SETD2: variants seen among roughly 807,000 people sequenced by gnomAD.
The protein encoded by SETD2 is histone-lysine N-methyltransferase SETD2.
SETD2 carries 31 observed loss-of-function variants against 242.1 expected under a neutral mutation model. The observed-to-expected ratio is 0.13, with a 90% confidence interval of 0.10 to 0.17. SETD2 has a LOEUF of 0.17. Ranked by LOEUF, SETD2 falls within the 10% of genes least tolerant of loss-of-function variation. SETD2 has a pLI of 1.00. For synonymous variants in SETD2, 1,006 were observed against 1,066.5 expected, an observed-to-expected ratio of 0.94 and a Z score of 1.11; for missense variants, 2,481 against 3,046.3, an observed-to-expected ratio of 0.81 and a Z score of 4.37.
Position 47,030,466 on chromosome 3 carries a change from A to G in SETD2, c.7350+7200T>C, listed in dbSNP as rs927685604. ...AGACAGTATCAAGCGGTTTAATAACATGTATGTAATTGGAGTCCCAGGAAA... is the reference window on the plus strand; with the variant it reads ...AGACAGTATCAAGCGGTTTAATAACGTGTATGTAATTGGAGTCCCAGGAAA... On this transcript the variant is annotated intron_variant, in intron 18 of 20. Coordinates refer to ENST00000409792, the MANE Select transcript of SETD2 (RefSeq NM_014159.7). 8.5e-5 allele frequency among the ~76,000 whole-genome samples: 13 copies of G among 152,262 alleles called. No individual in the cohort carries two copies. The South Asian group carries it at 1.2e-3, about 15-fold the overall frequency.
At chr3:47,040,457 T>C (rs1050249490) in intron 17 of SETD2, among the ~76,000 whole-genome samples, 8 of 151,044 alleles carry the variant, frequency 5.3e-5, no homozygotes, top group Admixed American at 4.0e-4. Context: ...AAGATACAAA[T>C]GACCAACAAT....
At chr3:47,107,728 G>A (rs1559727801) in intron 5 of SETD2, among the ~76,000 whole-genome samples, 8 of 18,396 alleles carry the variant, frequency 4.3e-4, no homozygotes, top group African/African-American at 2.5e-3. Context: ...GGCGGGGGGG[G>A]GTGGGGGGGG....
At chr3:47,095,221 T>G (rs910135943) in intron 9 of SETD2, among the ~76,000 whole-genome samples, 1 of 152,154 alleles carries the variant, frequency 6.6e-6, no homozygotes, top group Admixed American at 6.5e-5. Context: ...CTGCAAGCTC[T>G]GCCTCCTGGG....
intron 3 of SETD2, among the ~76,000 whole-genome samples, chr3:47,117,232 G>A (rs1424570560): frequency 7.4e-6 from 1 of 135,926 alleles, no homozygotes; most frequent in Admixed American, 7.8e-5. Flanking sequence ...TAGTACTTGT[G>A]AGACTGAAAA....
At chr3:47,076,023 T>C (rs1243591061) in intron 12 of SETD2, among the ~76,000 whole-genome samples, 1 of 152,174 alleles carries the variant, frequency 6.6e-6, no homozygotes, top group Admixed American at 6.6e-5. Flanking sequence ...AAGACCCAAG[T>C]GACCAAGACA....
At chr3:47,133,013 A>C (rs964745012) in intron 1 of SETD2, among the ~76,000 whole-genome samples, 1 of 152,200 alleles carries the variant, frequency 6.6e-6, no homozygotes, top group Admixed American at 6.5e-5. Flanking sequence ...TGATCATTGT[A>C]ATGTTGTTTT....
chr3:47,086,465 C>T, intron 10 of SETD2, 151 bp from the exon 11 acceptor site: 2 of 602,518 alleles, frequency 3.3e-6, no homozygotes, highest in Non-Finnish European at 5.6e-6. Context: ...TTTCATTAGC[C>T]TAAATAGAAC....
intron 9 of SETD2, 55 bp from the exon 10 acceptor site, chr3:47,088,302 AC>A (rs1479515416): frequency 1.2e-5 from 19 of 1,535,450 alleles, no homozygotes; most frequent in South Asian, 2.4e-5. Context: ...AAAAAAAAAA[AC>A]CAAAAACCCA....
chr3:47,074,807 T>A (rs1448881786), intron 12 of SETD2, among the ~76,000 whole-genome samples: 2 of 152,216 alleles, frequency 1.3e-5, no homozygotes, highest in East Asian at 1.9e-4. Flanking sequence ...GTTCTAAACA[T>A]CTCCTGAAGT....
intron 19 of SETD2, among the ~76,000 whole-genome samples, chr3:47,019,007 C>T (rs952563727): frequency 2.0e-5 from 3 of 152,222 alleles, no homozygotes; most frequent in South Asian, 2.1e-4. Flanking sequence ...ACACAGCTGT[C>T]GCTACTTATT....
intron 18 of SETD2, among the ~76,000 whole-genome samples, chr3:47,030,702 T>C (rs558774436): frequency 4.5e-4 from 68 of 152,204 alleles, no homozygotes; most frequent in African/African-American, 1.3e-3. Context: ...TTAGAAACTA[T>C]TATTAAAAAA....
rs767964434 is a variant in SETD2 at position 47,086,216 on chromosome 3, A to T, written c.5376T>A (p.Ser1792Arg). ...WMAELGDGRE[S>R]NQKLQEEIIK... ...TGACCTCTTCCTGAAGCTTCTGGTT[A>T]CTTTCCCGGCCGTCACCTAGCTCTG... The change falls in exon 11 of 21, where the codon AGT becomes AGA. Residue 1792 changes from serine to arginine, a missense_variant. Coordinates refer to ENST00000409792, the MANE Select transcript of SETD2 (RefSeq NM_014159.7). 1 of 1,613,160 alleles carries T rather than the reference A, an allele frequency of 6.2e-7. No homozygotes were observed. Among genetic ancestry groups the T allele is most frequent in the Non-Finnish European group, 8.5e-7 (1 of 1,179,310 alleles).
At chr3:47,148,007 CAAAA>C (rs1249867632) in intron 1 of SETD2, among the ~76,000 whole-genome samples, 1 of 151,074 alleles carries the variant, frequency 6.6e-6, no homozygotes, top group East Asian at 2.0e-4. Flanking sequence ...AACCCTCTTA[CAAAA>C]TTAAAGTATT....
chr3:47,145,432 C>A, intron 1 of SETD2: 1 of 318,956 alleles, frequency 3.1e-6, no homozygotes, highest in Non-Finnish European at 6.7e-6. Context: ...GCTTTGTTGC[C>A]CAGGCTGGAG....
At chr3:47,113,358 G>A (rs1272603156) in intron 5 of SETD2, among the ~76,000 whole-genome samples, 1 of 151,804 alleles carries the variant, frequency 6.6e-6, no homozygotes, top group East Asian at 1.9e-4. Context: ...AGATTCTGGG[G>A]GTCCACAGTA....
chr3:47,088,043 C>T (rs990185875), intron 10 of SETD2, 70 bp downstream of exon 10: 2 of 1,405,148 alleles, frequency 1.4e-6, no homozygotes, highest in African/African-American at 2.9e-5. Flanking sequence ...ATTATTCCTT[C>T]TTCATTCATC....
chr3:47,056,589 A>G (rs2040091876), intron 15 of SETD2, among the ~76,000 whole-genome samples: 1 of 152,174 alleles, frequency 6.6e-6, no homozygotes, highest in Non-Finnish European at 1.5e-5. Flanking sequence ...GCTTGACTGT[A>G]ATTTCATGGA....
intron 1 of SETD2, among the ~76,000 whole-genome samples, chr3:47,153,503 G>A (rs532103600): frequency 6.6e-6 from 1 of 152,312 alleles, no homozygotes; most frequent in Non-Finnish European, 1.5e-5. Flanking sequence ...TAATTCCAGT[G>A]CTTTGGGAGG....
intron 1 of SETD2, among the ~76,000 whole-genome samples, chr3:47,157,905 A>G (rs2044163233): frequency 6.6e-6 from 1 of 151,970 alleles, no homozygotes; most frequent in African/African-American, 2.4e-5. Context: ...AAAAAAAGAA[A>G]CTAACACTGT....
Sources: allele counts gnomAD v4.1 joint callset (sites outside exome capture counted in the v4.1 genomes callset), GRCh38; gene constraint gnomAD v4.1.1; transcripts MANE v1.5; gene names NCBI Gene and HGNC (gene_info 2026-07-23, HGNC 2026-07-21).